The following DAB1 variants were observed in gnomAD, a reference collection of about 807,000 sequenced individuals.
DAB1 encodes disabled homolog 1.
DAB1 carries 15 observed loss-of-function variants against 64.6 expected under a neutral mutation model. The observed-to-expected ratio is 0.23, with a 90% CI of 0.16 to 0.36. The LOEUF (loss-of-function observed/expected upper bound fraction) is 0.36, where lower values mean the gene tolerates loss of function less well. Among genes scored for constraint, DAB1 ranks in the 10% least tolerant of loss-of-function variants. The pLI is 1.00. For missense variants in DAB1, 596 were observed against 706.7 expected (o/e 0.84, Z 1.78); for synonymous variants, 235 against 251.9 (o/e 0.93, Z 0.64).
chr1:57,274,240 G>T (rs1229061512), intron 2 of DAB1, among the ~76,000 whole-genome samples: 1 of 152,176 alleles, frequency 6.6e-6, no homozygotes, highest in Non-Finnish European at 1.5e-5. Context: ...TTTCCAACCT[G>T]TCATTCTTAT....
At chr1:58,384,434 G>A (rs1328227014) in intron 3 of DAB1, among the ~76,000 whole-genome samples, 1 of 152,114 alleles carries the variant, frequency 6.6e-6, no homozygotes, top group Non-Finnish European at 1.5e-5. Context: ...GAAGTACCAG[G>A]GATCTGCTGT....
intron 4 of DAB1, among the ~76,000 whole-genome samples, chr1:57,082,599 G>A (rs1652653872): frequency 6.6e-6 from 1 of 152,134 alleles, no homozygotes; most frequent in Non-Finnish European, 1.5e-5. Context: ...AGGTAAAAGT[G>A]TACCATGGTG....
rs376142035 is a variant in DAB1, at chr1:57,623,168, G to A, written n.625+26424C>T. Among the ~76,000 whole-genome samples the A allele has an allele frequency of 7.9e-5, 12 of 152,258 alleles. No individual in the cohort carries two copies. The South Asian group carries it at 1.9e-3, about 24-fold the overall frequency. On this transcript the variant is annotated intron_variant and non_coding_transcript_variant, in intron 7 of 20. Transcript: ENST00000485760. ...CCTGCTGTTCTGATCAAGCAAAGCC[G>A]CCTGGCAGCAGGGGGCCGGCAGAGC... is the stretch of plus-strand genomic sequence containing the variant.
Position 57,365,230 on chromosome 1 carries a change from A to T in DAB1, c.-137+58700T>A, listed in dbSNP as rs985903744. Among the ~76,000 whole-genome samples, 4 of 142,638 alleles carry T rather than the reference A, an allele frequency of 2.8e-5. No individual in the cohort carries two copies. The South Asian group carries it at 6.4e-4, about 23-fold the overall frequency. The allele number at this position is 142,638 out of a possible 152,430, so 93.6% of individuals were successfully genotyped here. ...TATAAATATATATTTATGTTATATA[A>T]AAATATATAAACATATTTATATATT... On this transcript the variant is annotated intron_variant, in intron 1 of 14. Coordinates refer to ENST00000371236, the MANE Select transcript of DAB1 (RefSeq NM_001365792.1).
chr1:57,953,662 G>A (rs1645324397), intron 5 of DAB1, among the ~76,000 whole-genome samples: 2 of 152,122 alleles, frequency 1.3e-5, no homozygotes, highest in Non-Finnish European at 2.9e-5. Flanking sequence ...GAATCTAATT[G>A]TTAAGGACGC....
chr1:57,883,635 T>C (rs1339168150), intron 1 of DAB1, among the ~76,000 whole-genome samples: 2 of 152,252 alleles, frequency 1.3e-5, no homozygotes, highest in African/African-American at 2.4e-5. Context: ...GCAGCCAAGA[T>C]AGCAGGACTC....
chr1:57,508,135 G>A (rs147987359), intron 7 of DAB1, among the ~76,000 whole-genome samples: 694 of 152,224 alleles, frequency 4.6e-3, no homozygotes, highest in South Asian at 0.019. Flanking sequence ...CTCACATCCC[G>A]GGGGTAACCT....
intron 6 of DAB1, among the ~76,000 whole-genome samples, chr1:57,651,922 C>T (rs996102390): frequency 1.3e-4 from 20 of 152,098 alleles, no homozygotes; most frequent in African/African-American, 4.8e-4. Context: ...TCTCTTCTTG[C>T]CTTTAGTCTT....
Position 57,160,168 on chromosome 1 carries a change from T to C in DAB1, c.68-14739A>G, listed in dbSNP as rs148724318. 9.8e-5 allele frequency among the ~76,000 whole-genome samples: 15 copies of C among 152,316 alleles called. No individual in the cohort carries two copies. In the East Asian group the frequency reaches 2.7e-3, roughly 27 times the overall value. On this transcript the variant is annotated intron_variant, in intron 2 of 14. Transcript: ENST00000371236. ...GCAGGTTTTTTGGTATGTGTTGCCA[T>C]TAAGAGTAAAGTATTACACTAGGTA...
At chr1:58,290,917 A>G (rs1319244509) in intron 4 of DAB1, among the ~76,000 whole-genome samples, 1 of 152,056 alleles carries the variant, frequency 6.6e-6, no homozygotes, top group Non-Finnish European at 1.5e-5. Context: ...GGGTCAGCCA[A>G]TGTAGAGAAA....
At chr1:57,399,836 A>G (rs1683099492) in intron 1 of DAB1, among the ~76,000 whole-genome samples, 2 of 152,218 alleles carry the variant, frequency 1.3e-5, no homozygotes, top group Admixed American at 1.3e-4. Flanking sequence ...AAATAGTCCA[A>G]TGAATTCAAT....
intron 5 of DAB1, among the ~76,000 whole-genome samples, chr1:57,962,180 G>A (rs564617836): frequency 2.6e-4 from 39 of 152,176 alleles, no homozygotes; most frequent in African/African-American, 7.9e-4. Flanking sequence ...GTCTCGACTT[G>A]CTCATCTTTA....
intron 6 of DAB1, among the ~76,000 whole-genome samples, chr1:57,802,449 T>C (rs1185227926): frequency 6.6e-6 from 1 of 152,118 alleles, no homozygotes; most frequent in Non-Finnish European, 1.5e-5. Context: ...GAGGGAGAAG[T>C]TGAATTGGGA....
chr1:57,253,783 G>A (rs1669551478), intron 2 of DAB1, among the ~76,000 whole-genome samples: 1 of 152,160 alleles, frequency 6.6e-6, no homozygotes, highest in Non-Finnish European at 1.5e-5. Context: ...TAGTCTCTGT[G>A]ATGAAAAATA....
intron 5 of DAB1, among the ~76,000 whole-genome samples, chr1:57,953,265 T>C (rs569265943): frequency 1.3e-5 from 2 of 152,322 alleles, no homozygotes; most frequent in Admixed American, 1.3e-4. Context: ...GAGGCAAGAA[T>C]GTATACGGGG....
At position 57,136,544 on chromosome 1, in the gene DAB1, C is replaced by A; in HGVS notation, c.305G>T (p.Gly102Val). The change falls in exon 4 of 15, where the codon GGG (glycine) becomes GTG (valine). Residue 102 changes from glycine to valine, a missense_variant and splice_region_variant. Physicochemically the swap from Gly to Val is moderately radical, Grantham distance 109. Around this residue, in one of 3 missense-constraint regions of DAB1, gnomAD observed 176 missense variants for 266.7 expected, o/e 0.66. Transcript: ENST00000371236. ...ATGCCATGTGATTGCTTTACTTACC[C>A]CTGTCTTCTCATCAAAGATTTTGAT... is the stretch of plus-strand genomic sequence containing the variant. The part of the protein sequence containing the change: ...GGIKIFDEKT[G>V]ALQHHHAVHE... The A allele has an allele frequency of 1.3e-6, 2 of 1,484,314 alleles. No homozygotes were observed. Among genetic ancestry groups the A allele is most frequent in the South Asian group, 1.4e-5 (1 of 73,362 alleles). The allele number at this position is 1,484,314 out of a possible 1,614,324, so 91.9% of individuals were successfully genotyped here.
chr1:58,076,413 A>G (rs1362372192), intron 5 of DAB1, among the ~76,000 whole-genome samples: 1 of 152,176 alleles, frequency 6.6e-6, no homozygotes, highest in Admixed American at 6.5e-5. Context: ...GGCAACTATT[A>G]TAAGCACTTT....
At chr1:57,382,496 C>T (rs1212092242) in intron 1 of DAB1, among the ~76,000 whole-genome samples, 1 of 152,138 alleles carries the variant, frequency 6.6e-6, no homozygotes, top group East Asian at 1.9e-4. Context: ...ATTTTCACTG[C>T]TATAGAAGTC....
chr1:58,106,605 C>T (rs377255926), intron 5 of DAB1, among the ~76,000 whole-genome samples: 124 of 152,302 alleles, frequency 8.1e-4, no homozygotes, highest in African/African-American at 2.7e-3. Flanking sequence ...GAGCTTTCAG[C>T]GATAGGGTTG....
Sources: allele counts gnomAD v4.1 joint callset (sites outside exome capture counted in the v4.1 genomes callset), GRCh38; gene constraint gnomAD v4.1.1; regional missense constraint gnomAD v4.1.1; transcripts MANE v1.5; gene names NCBI Gene and HGNC (gene_info 2026-07-23, HGNC 2026-07-21).